The following CCDC88A variants were observed in gnomAD, a reference collection of about 807,000 sequenced individuals.
CCDC88A encodes the protein coiled-coil and HOOK domain protein 88A.
Under a neutral mutation model 234.3 loss-of-function variants are expected in CCDC88A, and 54 were observed. The ratio of observed to expected loss-of-function variants is 0.23; its 90% CI spans 0.19 to 0.29. The LOEUF (loss-of-function observed/expected upper bound fraction) is 0.29, where lower values mean the gene tolerates loss of function less well. CCDC88A is among the 10% of genes least tolerant of loss of function. The pLI, the probability that CCDC88A is intolerant of heterozygous loss-of-function variation, is 1.00. For missense variants in CCDC88A, 1,832 were observed against 2,123.4 expected (o/e 0.86, Z 2.70); for synonymous variants, 753 against 737.8 (o/e 1.02, Z -0.33).
intron 2 of CCDC88A, chr2:55,403,599 G>C (rs1239833546): frequency 6.6e-6 from 1 of 152,192 alleles, no homozygotes; most frequent in Admixed American, 6.5e-5. Context: ...CGCATAAAAA[G>C]GCAAAGGACA....
chr2:55,306,321 G>T (rs1467386301), intron 25 of CCDC88A: 1 of 152,100 alleles, frequency 6.6e-6, no homozygotes. Flanking sequence ...GTCTAAAACA[G>T]TAACTACTTG....
intron 17 of CCDC88A, among the ~76,000 whole-genome samples, chr2:55,325,404 TCA>T (rs924079775): frequency 6.6e-6 from 1 of 152,218 alleles, no homozygotes; most frequent in African/African-American, 2.4e-5. Context: ...ATTGATTAGT[TCA>T]CCTTAGCTGT....
chr2:55,384,411 AT>A (rs538232739), intron 3 of CCDC88A, among the ~76,000 whole-genome samples: 3 of 148,464 alleles, frequency 2.0e-5, no homozygotes, highest in South Asian at 2.1e-4. Context: ...TATATTATCT[AT>A]TTTTTTTCTA....
Position 55,288,211 on chromosome 2 carries a change from G to A in CCDC88A, c.*2989C>T, listed in dbSNP as rs1320333569. On this transcript the variant is annotated 3_prime_UTR_variant, in exon 33 of 33. Coordinates refer to ENST00000436346, the MANE Select transcript of CCDC88A (RefSeq NM_001365480.1). ...GATTTTGTTGAAGGGTGTTATAAGT[G>A]CAACTTTATCCATATGCATTCCTTT... 4 of 152,568 alleles carry A rather than the reference G, an allele frequency of 2.6e-5. No homozygotes were observed. The highest frequency in any genetic ancestry group is 4.8e-5 in the African/African-American group (2 of 41,430). The allele number at this position is 152,568 out of a possible 1,614,324, so 9.5% of individuals were successfully genotyped here. A position where few individuals can be genotyped will look rare whatever the true frequency, so the allele number is the denominator to read the frequency against.
At chr2:55,346,359 T>C in intron 9 of CCDC88A, 26 bp from the exon 10 acceptor site, 1 of 1,379,876 alleles carries the variant, frequency 7.2e-7, no homozygotes, top group Non-Finnish European at 1.0e-6. Flanking sequence ...AAATTATATT[T>C]TAATTATTTT....
chr2:55,361,582 C>G (rs986642403), intron 7 of CCDC88A, among the ~76,000 whole-genome samples: 1 of 152,108 alleles, frequency 6.6e-6, no homozygotes, highest in South Asian at 2.1e-4. Context: ...GATACAAATT[C>G]TCTATAAATA....
At chr2:55,362,469 TAAAC>T (rs776240136) in intron 6 of CCDC88A, 21 bp from the exon 7 acceptor site, 2 of 1,588,674 alleles carry the variant, frequency 1.3e-6, no homozygotes, top group Non-Finnish European at 1.7e-6. Flanking sequence ...GTGACCAAAA[TAAAC>T]AACCAAAAAA....
intron 31 of CCDC88A, chr2:55,294,997 T>C (rs1679855425): frequency 8.3e-7 from 1 of 1,200,572 alleles, no homozygotes; most frequent in Non-Finnish European, 1.1e-6. Flanking sequence ...AACAGCAACT[T>C]TTCAAATCAT....
At chr2:55,311,238 A>C (rs1347062405) in intron 23 of CCDC88A, among the ~76,000 whole-genome samples, 1 of 152,228 alleles carries the variant, frequency 6.6e-6, no homozygotes, top group Non-Finnish European at 1.5e-5. Flanking sequence ...GAAAGGACTA[A>C]AAGGACTAAA....
chr2:55,382,524 G>T (rs7355381), intron 3 of CCDC88A, among the ~76,000 whole-genome samples: 145,654 of 152,246 alleles, frequency 0.96, 69,875 homozygotes, highest in African/African-American at 0.99. Flanking sequence ...ACTAAAATTT[G>T]TTTACTTGTA....
At chr2:55,318,377 G>T (rs1683219663) in intron 19 of CCDC88A, among the ~76,000 whole-genome samples, 1 of 152,000 alleles carries the variant, frequency 6.6e-6, no homozygotes, top group Admixed American at 6.5e-5. Flanking sequence ...AGCTTTCAGA[G>T]TTGAACTTTT....
intron 12 of CCDC88A, among the ~76,000 whole-genome samples, chr2:55,341,314 T>C (rs1408635150): frequency 1.3e-5 from 2 of 151,262 alleles, no homozygotes; most frequent in Non-Finnish European, 2.9e-5. Context: ...TCAGCAAATT[T>C]TTTTTGTATT....
chr2:55,388,945 T>C (rs970385992), intron 2 of CCDC88A, 59 bp from the exon 3 acceptor site: 14 of 477,582 alleles, frequency 2.9e-5, no homozygotes, highest in African/African-American at 2.9e-4. Context: ...AATCTATATA[T>C]AATTAAAATT....
Position 55,295,676 on chromosome 2 carries a change from A to G in CCDC88A, c.5472T>C (p.Phe1824=). ...GTTRRTSIHD[F]LTKDSRLPIS... Reference sequence around the variant, plus strand: ...TAGGCAGTCTACTGTCCTTGGTCAAAAAATCATGGATGCTTGTCCTTCGTG... The same window carrying G: ...TAGGCAGTCTACTGTCCTTGGTCAAGAAATCATGGATGCTTGTCCTTCGTG... Residue 1824 remains phenylalanine, a synonymous_variant, in exon 31 of 33, where the codon TTT becomes TTC. Transcript: ENST00000436346. 5 of 1,614,210 alleles carry G rather than the reference A, an allele frequency of 3.1e-6. No homozygotes were observed. Among genetic ancestry groups the G allele is most frequent in the Non-Finnish European group, 4.2e-6 (5 of 1,180,034 alleles).
intron 25 of CCDC88A, among the ~76,000 whole-genome samples, chr2:55,307,191 T>C (rs1681699185): frequency 6.6e-6 from 1 of 152,198 alleles, no homozygotes; most frequent in African/African-American, 2.4e-5. Context: ...TTTTCTGATT[T>C]TCTTGGAATA....
intron 7 of CCDC88A, among the ~76,000 whole-genome samples, chr2:55,358,735 T>A (rs1276807828): frequency 2.6e-5 from 4 of 152,094 alleles, no homozygotes; most frequent in Non-Finnish European, 5.9e-5. Context: ...ATTGGCTTTT[T>A]TCTCTATGTT....
At chr2:55,375,739 G>A (rs1673571626) in intron 3 of CCDC88A, among the ~76,000 whole-genome samples, 1 of 151,658 alleles carries the variant, frequency 6.6e-6, no homozygotes, top group African/African-American at 2.4e-5. Flanking sequence ...TGTTGGCCAG[G>A]CTGGTCATGA....
intron 2 of CCDC88A, among the ~76,000 whole-genome samples, chr2:55,392,150 G>A (rs1033468764): frequency 3.3e-5 from 5 of 152,086 alleles, no homozygotes; most frequent in Non-Finnish European, 2.9e-5. Context: ...TAATATATGG[G>A]CCTGGCTTTG....
intron 7 of CCDC88A, among the ~76,000 whole-genome samples, chr2:55,361,301 C>T (rs979768996): frequency 2.0e-5 from 3 of 152,056 alleles, no homozygotes; most frequent in Admixed American, 6.5e-5. Context: ...ATGAAATGAT[C>T]TAAGTATCTC....
Sources: gnomAD v4.1 joint callset for allele counts (sites outside exome capture counted in the v4.1 genomes callset) on GRCh38, gnomAD v4.1.1 for gene constraint, MANE v1.5 for transcripts, NCBI Gene and HGNC (gene_info 2026-07-23, HGNC 2026-07-21) for gene names.